The following ITGB5 variants were observed in gnomAD, a reference collection of about 807,000 sequenced individuals.
The protein encoded by ITGB5 is integrin beta-5.
ITGB5 carries 38 observed loss-of-function variants against 84.8 expected under a neutral mutation model. The observed-to-expected ratio is 0.45, with a 90% CI of 0.35 to 0.59. The LOEUF (loss-of-function observed/expected upper bound fraction) is 0.59. ITGB5 is among the 20% of genes least tolerant of loss of function. The pLI is 0.01. For synonymous variants in ITGB5, 393 were observed against 414.4 expected (o/e 0.95, Z 0.63); for missense variants, 905 against 1,034.5 (o/e 0.87, Z 1.72).
intron 13 of ITGB5, among the ~76,000 whole-genome samples, chr3:124,765,496 G>C (rs181783725): frequency 7.2e-5 from 11 of 152,338 alleles, no homozygotes; most frequent in Middle Eastern, 3.4e-3. Flanking sequence ...TGGTGGTCTA[G>C]ATGCCCTGCA....
rs188336898 is a variant in ITGB5, at chr3:124,785,493, G to A, written c.1693+10895C>T. ...CCAGCTACTCAGGTGGCTGATGCAG[G>A]AGAATTGCGTGAACCCGGGAGGCAG... On this transcript the variant is annotated intron_variant, in intron 10 of 14. Transcript: ENST00000296181. Among the ~76,000 whole-genome samples the A allele has an allele frequency of 1.1e-4, 17 of 151,548 alleles. No homozygotes were observed. The East Asian group carries it at 3.1e-3, about 28-fold the overall frequency.
rs557993958 is a variant in ITGB5 at position 124,803,783 on chromosome 3, T to C, written c.1263+5239A>G. ...TTTGTGCTGGTAGAGTCCTTTGAAA[T>C]AGGTTTGGTAGAATAGAATCGTGGG... On this transcript the variant is annotated intron_variant, in intron 9 of 14. Coordinates refer to ENST00000296181, the MANE Select transcript of ITGB5 (RefSeq NM_002213.5). Among the ~76,000 whole-genome samples the C allele has an allele frequency of 5.3e-5, 8 of 152,248 alleles. No individual in the cohort carries two copies. In the East Asian group the frequency reaches 7.7e-4, roughly 15 times the overall value.
chr3:124,881,151 T>C (rs138391500), intron 1 of ITGB5, among the ~76,000 whole-genome samples: 469 of 151,586 alleles, frequency 3.1e-3, no homozygotes, highest in Non-Finnish European at 5.2e-3. Flanking sequence ...GCCTGGCTAA[T>C]TTTTGTATTT....
At chr3:124,889,554 C>T (rs1214900669), upstream of ITGB5, among the ~76,000 whole-genome samples, 2 of 152,176 alleles carry the variant, frequency 1.3e-5, no homozygotes, top group Non-Finnish European at 2.9e-5. Flanking sequence ...AGACTGGTCT[C>T]AGATATTTGG....
Position 124,773,926 on chromosome 3 carries a change from T to C in ITGB5, c.1694-14A>G, listed in dbSNP as rs763692339. On this transcript the variant is annotated splice_polypyrimidine_tract_variant and intron_variant, in intron 10 of 14. Transcript: ENST00000296181. ...ACTCGCCATGGCCTAAAAGGATACA[T>C]GTGGCACATCAGCACCTGCTCACCT... 2 of 1,612,442 alleles carry C rather than the reference T, an allele frequency of 1.2e-6. No homozygotes were observed. The highest frequency in any genetic ancestry group is 8.5e-7 in the Non-Finnish European group (1 of 1,178,644).
Position 124,851,502 on chromosome 3 carries a change from G to A in ITGB5, c.362-2944C>T, listed in dbSNP as rs369450928. Among the ~76,000 whole-genome samples the A allele has an allele frequency of 1.8e-4, 27 of 151,976 alleles. 1 individual carries two copies. In the South Asian group the frequency reaches 5.6e-3, roughly 32 times the overall value. ...AAATTTTCCAGACATGAGGGCTGAG[G>A]GAAAGAAGGCATGATATATAGGTCC... On this transcript the variant is annotated intron_variant, in intron 3 of 14. Transcript: ENST00000296181.
rs144336506 is a variant in ITGB5 at position 124,821,258 on chromosome 3, G to A, written c.942+55C>T. Reference sequence around the variant, plus strand: ...AAGGCTGGGCAAGTACTAAGACCACGGGCAGGGTCACAAGAGAGGCAACAG... The same window carrying A: ...AAGGCTGGGCAAGTACTAAGACCACAGGCAGGGTCACAAGAGAGGCAACAG... On this transcript the variant is annotated intron_variant, in intron 6 of 14. Coordinates refer to ENST00000296181, the MANE Select transcript of ITGB5 (RefSeq NM_002213.5). The A allele has an allele frequency of 6.0e-5, 94 of 1,557,348 alleles. 1 individual carries two copies. The highest frequency in any genetic ancestry group is 5.4e-4 in the African/African-American group (40 of 73,604).
chr3:124,870,168 C>T (rs538704065), intron 2 of ITGB5, among the ~76,000 whole-genome samples: 13 of 152,120 alleles, frequency 8.5e-5, no homozygotes, highest in African/African-American at 2.7e-4. Flanking sequence ...CAAATTCCTG[C>T]CAGATTCTTG....
intron 1 of ITGB5, among the ~76,000 whole-genome samples, chr3:124,880,119 A>G (rs1934503875): frequency 6.6e-6 from 1 of 152,218 alleles, no homozygotes; most frequent in African/African-American, 2.4e-5. Context: ...ATATCTGACC[A>G]GTGCTTCTTA....
At chr3:124,829,491 T>G (rs1393236915) in intron 5 of ITGB5, among the ~76,000 whole-genome samples, 1 of 152,200 alleles carries the variant, frequency 6.6e-6, no homozygotes, top group East Asian at 1.9e-4. Flanking sequence ...TCCACACTCA[T>G]GCGAGGGAAC....
intron 4 of ITGB5, among the ~76,000 whole-genome samples, chr3:124,844,915 T>A (rs534142517): frequency 1.3e-4 from 20 of 152,214 alleles, no homozygotes; most frequent in African/African-American, 4.8e-4. Context: ...ATTTGAAAAA[T>A]TAACAGAAAA....
chr3:124,786,497 T>C (rs2064083796), intron 10 of ITGB5, among the ~76,000 whole-genome samples: 2 of 152,176 alleles, frequency 1.3e-5, no homozygotes, highest in African/African-American at 4.8e-5. Flanking sequence ...CAACCTGGGT[T>C]GCATATTTCT....
chr3:124,800,627 T>C (rs985486850), intron 9 of ITGB5, among the ~76,000 whole-genome samples: 2 of 152,220 alleles, frequency 1.3e-5, no homozygotes, highest in African/African-American at 4.8e-5. Context: ...AACCAGAGAA[T>C]GTTCTGTCTA....
chr3:124,859,148 T>C, intron 3 of ITGB5, 94 bp downstream of exon 3: 1 of 1,218,656 alleles, frequency 8.2e-7, no homozygotes. Flanking sequence ...GATCTCAGCC[T>C]GGCCTGACTC....
At chr3:124,858,303 C>A (rs2065247409) in intron 3 of ITGB5, among the ~76,000 whole-genome samples, 1 of 152,106 alleles carries the variant, frequency 6.6e-6, no homozygotes, top group African/African-American at 2.4e-5. Context: ...AACAAAATAT[C>A]TCCACTCTAA....
chr3:124,766,820 A>G (rs1208255023), intron 12 of ITGB5, among the ~76,000 whole-genome samples: 4 of 152,230 alleles, frequency 2.6e-5, no homozygotes, highest in Non-Finnish European at 4.4e-5. Flanking sequence ...CCTGGGATGC[A>G]AAATCAAAAA....
At chr3:124,768,885 G>A in intron 12 of ITGB5, 128 bp downstream of exon 12, 3 of 634,742 alleles carry the variant, frequency 4.7e-6, no homozygotes, top group South Asian at 3.9e-5. Context: ...CCAGCACCGG[G>A]TCCTCATGGG....
intron 1 of ITGB5, among the ~76,000 whole-genome samples, chr3:124,897,668 A>T (rs978638653): frequency 1.5e-4 from 23 of 152,122 alleles, no homozygotes; most frequent in African/African-American, 3.1e-4. Context: ...ATAAAGAAAA[A>T]TTTTTTTTTA....
intron 11 of ITGB5, chr3:124,769,599 C>T (rs1438982036): frequency 1.3e-5 from 2 of 152,434 alleles, no homozygotes; most frequent in Admixed American, 1.3e-4. Flanking sequence ...CTCCAGGGAG[C>T]TTTCAAGAGA....
Sources: gnomAD v4.1 joint callset for allele counts (sites outside exome capture counted in the v4.1 genomes callset) on GRCh38, gnomAD v4.1.1 for gene constraint, MANE v1.5 for transcripts, NCBI Gene and HGNC (gene_info 2026-07-23, HGNC 2026-07-21) for gene names.